PEAK1: variants seen among roughly 807,000 people sequenced by gnomAD.
The protein encoded by PEAK1 is pseudopodium enriched atypical kinase 1, also known as inactive tyrosine-protein kinase PEAK1.
A neutral mutation model predicts 124.7 loss-of-function variants in PEAK1; 54 were observed. That is an observed-to-expected ratio of 0.43 (90% CI 0.35 to 0.54). The LOEUF (loss-of-function observed/expected upper bound fraction) is 0.54, where lower values mean the gene tolerates loss of function less well. Among genes scored for constraint, PEAK1 ranks in the 20% least tolerant of loss-of-function variants. PEAK1 has a pLI of 0.01. For missense variants in PEAK1, 2,046 were observed against 2,134.5 expected (o/e 0.96, Z 0.82); for synonymous variants, 719 against 760.0 (o/e 0.95, Z 0.89).
At chr15:77,350,462 A>G (rs1392139727) in intron 2 of PEAK1, 24 of 985,132 alleles carry the variant, frequency 2.4e-5, no homozygotes, top group Non-Finnish European at 2.9e-5. Flanking sequence ...GATAGTGTAT[A>G]TATCTTAAGG....
chr15:77,348,075 G>A (rs2066977948), intron 2 of PEAK1: 2 of 984,424 alleles, frequency 2.0e-6, no homozygotes, highest in Non-Finnish European at 2.4e-6. Context: ...AAACATTTTG[G>A]TCAGACATTA....
intron 2 of PEAK1, among the ~76,000 whole-genome samples, chr15:77,319,287 A>G (rs1467089018): frequency 6.6e-6 from 1 of 151,720 alleles, no homozygotes; most frequent in Non-Finnish European, 1.5e-5. Context: ...AGCACCACTT[A>G]TAAAACTCAA....
In PEAK1 at chr15:77,180,752, C is replaced by G; in HGVS notation, c.1175G>C (p.Ser392Thr). 6.2e-7 allele frequency: 1 copy of G among 1,614,038 alleles called. No homozygotes were observed. The highest frequency in any genetic ancestry group is 8.5e-7 in the Non-Finnish European group (1 of 1,179,988). The change falls in exon 7 of 10, where the codon AGT becomes ACT. Residue 392 changes from serine to threonine, a missense_variant. By Grantham distance (58) the Ser-to-Thr change is moderately conservative. Coordinates refer to ENST00000682557, the MANE Select transcript of PEAK1 (RefSeq NM_001385026.1). ...EIEPNYESPS[S>T]NNQDKDSSQA... Reference sequence around the variant, plus strand: ...TGATGAATCTTTATCCTGATTATTACTAGAGGGACTTTCATAATTGGGCTC... The same window carrying G: ...TGATGAATCTTTATCCTGATTATTAGTAGAGGGACTTTCATAATTGGGCTC...
At chr15:77,221,216 C>T (rs1261987074) in intron 6 of PEAK1, among the ~76,000 whole-genome samples, 1 of 152,036 alleles carries the variant, frequency 6.6e-6, no homozygotes, top group Non-Finnish European at 1.5e-5. Flanking sequence ...CAGCAAAGAT[C>T]ATTTTAACAT....
At chr15:77,419,020 AAATC>A in intron 1 of PEAK1, 1 of 985,394 alleles carries the variant, frequency 1.0e-6, no homozygotes. Context: ...GGCAGAAAAA[AAATC>A]AATTAGGTTT....
Position 77,114,185 on chromosome 15 carries a change from A to C in PEAK1, c.5212T>G (p.Cys1738Gly), listed in dbSNP as rs374551274. 2.9e-5 allele frequency: 47 copies of C among 1,614,052 alleles called. No individual in the cohort carries two copies. Among genetic ancestry groups the C allele is most frequent in the Middle Eastern group, 3.3e-4 (2 of 6,084 alleles). ...CGGTGCTGCAGAATTTTCACAATAC[A>C]ACTGAGGGAGTCTGTAGTGGCAAAA... ...LAFATTDSLS[C>G]IVKILQHR Residue 1738 changes from cysteine to glycine, a missense_variant, in exon 10 of 10, where the codon TGT (cysteine) becomes GGT (glycine). By Grantham distance (159) the Cys-to-Gly change is radical. Coordinates refer to ENST00000682557, the MANE Select transcript of PEAK1 (RefSeq NM_001385026.1).
intron 6 of PEAK1, among the ~76,000 whole-genome samples, chr15:77,185,810 G>C (rs1431419732): frequency 6.6e-6 from 1 of 152,084 alleles, no homozygotes; most frequent in African/African-American, 2.4e-5. Flanking sequence ...GCCAGGGTGA[G>C]AGGCTGAAAA....
At chr15:77,152,802 C>A (rs1005374041) in intron 8 of PEAK1, among the ~76,000 whole-genome samples, 1 of 151,876 alleles carries the variant, frequency 6.6e-6, no homozygotes, top group East Asian at 1.9e-4. Context: ...TATTGATTTG[C>A]GAATGTTGAA....
intron 1 of PEAK1, among the ~76,000 whole-genome samples, chr15:77,367,542 A>T (rs549241398): frequency 5.9e-5 from 9 of 152,210 alleles, no homozygotes; most frequent in Non-Finnish European, 1.3e-4. Flanking sequence ...TTAAAAGTAA[A>T]ATAAAAATGC....
intron 5 of PEAK1, among the ~76,000 whole-genome samples, chr15:77,262,565 T>C (rs2061496663): frequency 6.6e-6 from 1 of 151,762 alleles, no homozygotes; most frequent in Non-Finnish European, 1.5e-5. Flanking sequence ...CTAACTATCC[T>C]AAATATATAT....
chr15:77,221,763 G>A (rs1476592024), intron 6 of PEAK1, among the ~76,000 whole-genome samples: 1 of 152,120 alleles, frequency 6.6e-6, no homozygotes, highest in East Asian at 1.9e-4. Context: ...GAAGTTTTGT[G>A]AAGGATTTTG....
chr15:77,198,944 C>T (rs2058233476), intron 6 of PEAK1, among the ~76,000 whole-genome samples: 1 of 151,978 alleles, frequency 6.6e-6, no homozygotes, highest in Admixed American at 6.6e-5. Flanking sequence ...AATGAAGTGC[C>T]CTATTTTGTG....
At chr15:77,310,654 G>A (rs532109310) in intron 2 of PEAK1, among the ~76,000 whole-genome samples, 1 of 152,276 alleles carries the variant, frequency 6.6e-6, no homozygotes, top group South Asian at 2.1e-4. Flanking sequence ...TACAACCAAT[G>A]TTGAAAATTA....
chr15:77,139,470 A>C (rs756117074), intron 8 of PEAK1, among the ~76,000 whole-genome samples: 8 of 152,200 alleles, frequency 5.3e-5, no homozygotes, highest in Non-Finnish European at 8.8e-5. Flanking sequence ...AGGTTTGTTT[A>C]CACCAGCATC....
At chr15:77,330,959 AAGTATTTGTGAGTGAATGGCTG>A (rs2065857596) in intron 2 of PEAK1, 1 of 849,262 alleles carries the variant, frequency 1.2e-6, no homozygotes, top group Admixed American at 6.2e-5. Flanking sequence ...AGTAGGTACT[AAGTATTTGTGAGTGAATGGCTG>A]AGTAATTAGG....
At chr15:77,134,662 T>G (rs2152743426) in intron 8 of PEAK1, among the ~76,000 whole-genome samples, 1 of 152,358 alleles carries the variant, frequency 6.6e-6, no homozygotes, top group Admixed American at 6.5e-5. Flanking sequence ...ACATTATTTT[T>G]TAAAGACAGA....
At chr15:77,292,406 T>C (rs2063268130) in intron 2 of PEAK1, among the ~76,000 whole-genome samples, 2 of 152,226 alleles carry the variant, frequency 1.3e-5, no homozygotes, top group South Asian at 2.1e-4. Context: ...TGCATAGATA[T>C]ATCACAGCTT....
intron 4 of PEAK1, 41 bp downstream of exon 4, chr15:77,284,916 AC>A (rs1442533611): frequency 2.0e-5 from 3 of 152,490 alleles, no homozygotes; most frequent in African/African-American, 7.3e-5. Context: ...ACACACACAC[AC>A]ACACACACAC....
At chr15:77,405,602 A>C (rs2071753542) in intron 1 of PEAK1, among the ~76,000 whole-genome samples, 1 of 152,204 alleles carries the variant, frequency 6.6e-6, no homozygotes, top group Non-Finnish European at 1.5e-5. Flanking sequence ...TCAGTCTCCT[A>C]GTAAGACAGC....
Sources: gnomAD v4.1 joint callset for allele counts (sites outside exome capture counted in the v4.1 genomes callset) on GRCh38, gnomAD v4.1.1 for gene constraint, MANE v1.5 for transcripts, NCBI Gene and HGNC (gene_info 2026-07-23, HGNC 2026-07-21) for gene names.